The following DHRSX variants were observed in gnomAD, a reference collection of about 807,000 sequenced individuals.
DHRSX encodes dehydrogenase/reductase X-linked.
DHRSX carries 31 observed loss-of-function variants against 34.0 expected under a neutral mutation model. That is an observed-to-expected ratio of 0.91 (90% CI 0.69 to 1.23). The LOEUF (loss-of-function observed/expected upper bound fraction) is 1.23. Ranked by LOEUF, DHRSX falls within the 50% of genes most tolerant of loss-of-function variation. The pLI is 0.00. For missense variants in DHRSX, 414 were observed against 428.1 expected, an observed-to-expected ratio of 0.97 and a Z score of 0.29; for synonymous variants, 201 against 183.8, an observed-to-expected ratio of 1.09 and a Z score of -0.76.
At chrX:2,345,424 T>C (rs1401772631) in intron 3 of DHRSX, among the ~76,000 whole-genome samples, 4 of 151,590 alleles carry the variant, frequency 2.6e-5, no homozygotes, top group Non-Finnish European at 5.9e-5. Flanking sequence ...AGGTGGATCA[T>C]CTGAGGTCAG....
intron 6 of DHRSX, among the ~76,000 whole-genome samples, chrX:2,233,236 A>G (rs1460552539): frequency 1.3e-5 from 2 of 152,068 alleles, no homozygotes; most frequent in African/African-American, 4.8e-5. Context: ...TCTTCCACAC[A>G]TTCTCGGAAT....
chrX:2,490,136 C>G, intron 1 of DHRSX: 1 of 1,613,932 alleles, frequency 6.2e-7, no homozygotes, highest in Non-Finnish European at 8.5e-7. Context: ...GGTGGAGATG[C>G]CACACCAGGT....
intron 5 of DHRSX, among the ~76,000 whole-genome samples, chrX:2,259,256 G>A (rs920774829): frequency 6.7e-6 from 1 of 149,984 alleles, no homozygotes; most frequent in South Asian, 2.1e-4. Flanking sequence ...CTGGGCGACA[G>A]AGCAAGACTC....
intron 3 of DHRSX, among the ~76,000 whole-genome samples, chrX:2,339,507 A>G (rs761069251): frequency 6.6e-6 from 1 of 151,958 alleles, no homozygotes; most frequent in East Asian, 1.9e-4. Context: ...TACACATTCC[A>G]CACTATTTGT....
intron 1 of DHRSX, among the ~76,000 whole-genome samples, chrX:2,467,836 T>C (rs1168797723): frequency 6.6e-6 from 1 of 151,656 alleles, no homozygotes; most frequent in Non-Finnish European, 1.5e-5. Flanking sequence ...TAGCCAGGCA[T>C]GGTGGTGCAT....
chrX:2,453,885 T>C (rs2044260713), intron 1 of DHRSX, among the ~76,000 whole-genome samples: 2 of 152,184 alleles, frequency 1.3e-5, no homozygotes, highest in South Asian at 4.1e-4. Context: ...GCTTGATTGT[T>C]AATATGTTAA....
chrX:2,361,256 G>A (rs768002877), intron 3 of DHRSX, among the ~76,000 whole-genome samples: 11 of 151,944 alleles, frequency 7.2e-5, no homozygotes, highest in South Asian at 2.1e-4. Context: ...GACTACAGGC[G>A]CCCACCACCA....
intron 2 of DHRSX, among the ~76,000 whole-genome samples, chrX:2,409,318 G>T (rs1366904499): frequency 2.6e-5 from 4 of 151,950 alleles, no homozygotes; most frequent in Non-Finnish European, 1.5e-5. Flanking sequence ...GCACATGTGC[G>T]GAATGTGCAG....
chrX:2,401,770 T>C (rs2043488920), intron 3 of DHRSX, among the ~76,000 whole-genome samples: 1 of 152,176 alleles, frequency 6.6e-6, no homozygotes, highest in Non-Finnish European at 1.5e-5. Flanking sequence ...ACAGCTTTCA[T>C]CAGCACATAA....
In DHRSX at chrX:2,351,258, G is replaced by T. The variant is rs902872204; in HGVS notation, c.286+57487C>A. Among the ~76,000 whole-genome samples, 66 of 152,166 alleles carry T rather than the reference G, an allele frequency of 4.3e-4. 1 individual carries two copies. Among genetic ancestry groups the T allele is most frequent in the Non-Finnish European group, 5.0e-4 (34 of 68,028 alleles). ...AACTTAGAGTAAAATTAAAAAGAAA[G>T]AAAGTCAAAGACAGTTTTGTAAATG... is the stretch of plus-strand genomic sequence containing the variant. On this transcript the variant is annotated intron_variant, in intron 3 of 6. Coordinates refer to ENST00000334651, the MANE Select transcript of DHRSX (RefSeq NM_145177.3).
At chrX:2,247,086 T>C (rs1461457010) in intron 5 of DHRSX, among the ~76,000 whole-genome samples, 2 of 151,972 alleles carry the variant, frequency 1.3e-5, no homozygotes, top group Non-Finnish European at 2.9e-5. Context: ...GTAGCTGGGA[T>C]TACAGGCATA....
chrX:2,489,940 G>A, intron 1 of DHRSX: 1 of 1,613,908 alleles, frequency 6.2e-7, no homozygotes, highest in Non-Finnish European at 8.5e-7. Context: ...CCTTGGCGCT[G>A]ATGCCCCACT....
chrX:2,252,506 C>T (rs915062830), intron 5 of DHRSX, among the ~76,000 whole-genome samples: 1 of 152,118 alleles, frequency 6.6e-6, no homozygotes, highest in Non-Finnish European at 1.5e-5. Flanking sequence ...TACAAGCATT[C>T]GGTTCTGAAT....
chrX:2,455,470 G>A (rs1205362890), intron 1 of DHRSX, among the ~76,000 whole-genome samples: 4 of 151,986 alleles, frequency 2.6e-5, no homozygotes, highest in African/African-American at 7.2e-5. Flanking sequence ...CAAGTAGGCC[G>A]GGAGCAGTGA....
chrX:2,258,598 T>G (rs933592643), intron 5 of DHRSX, among the ~76,000 whole-genome samples: 2 of 152,074 alleles, frequency 1.3e-5, no homozygotes, highest in Non-Finnish European at 2.9e-5. Context: ...CACCCACACC[T>G]TGATCTGGGA....
chrX:2,438,672 TA>T (rs11449377), intron 1 of DHRSX, among the ~76,000 whole-genome samples: 2,826 of 141,466 alleles, frequency 0.02, 79 homozygotes, highest in African/African-American at 0.068. Flanking sequence ...CATCTCAAAA[TA>T]AAAAAAAAAA....
chrX:2,304,719 C>T (rs1165177458), intron 3 of DHRSX, among the ~76,000 whole-genome samples: 3 of 152,004 alleles, frequency 2.0e-5, no homozygotes, highest in Non-Finnish European at 4.4e-5. Flanking sequence ...GCAGAAGCTG[C>T]TCTGCTTCCC....
intron 3 of DHRSX, among the ~76,000 whole-genome samples, chrX:2,347,576 C>A (rs1255390379): frequency 6.6e-6 from 1 of 152,170 alleles, no homozygotes; most frequent in Non-Finnish European, 1.5e-5. Context: ...CACCTGTAAT[C>A]CCAGCTAATT....
chrX:2,451,180 CT>C (rs1365063907), intron 1 of DHRSX, among the ~76,000 whole-genome samples: 2 of 151,190 alleles, frequency 1.3e-5, no homozygotes, highest in Non-Finnish European at 2.9e-5. Flanking sequence ...GTGCAGTGAG[CT>C]GAGATCACAG....
Sources: gnomAD v4.1 joint callset for allele counts (sites outside exome capture counted in the v4.1 genomes callset) on GRCh38, gnomAD v4.1.1 for gene constraint, MANE v1.5 for transcripts, NCBI Gene and HGNC (gene_info 2026-07-23, HGNC 2026-07-21) for gene names.